The following PAX3 variants were observed in gnomAD, a reference collection of about 807,000 sequenced individuals.
The protein encoded by PAX3 is paired box 3.
PAX3 carries 14 observed loss-of-function variants against 51.6 expected under a neutral mutation model. That is an observed-to-expected ratio of 0.27 (90% CI 0.18 to 0.42). The LOEUF (loss-of-function observed/expected upper bound fraction) is 0.42. PAX3 is among the 10% of genes least tolerant of loss of function. The pLI is 1.00. For missense variants in PAX3, 540 were observed against 642.8 expected (o/e 0.84, Z 1.73); for synonymous variants, 280 against 253.4 (o/e 1.11, Z -1.00).
chr2:222,213,873 G>T (rs1370924), intron 7 of PAX3, among the ~76,000 whole-genome samples: 23 of 151,964 alleles, frequency 1.5e-4, no homozygotes, highest in African/African-American at 5.3e-4. Context: ...ACCCAAAAAC[G>T]TCCCAAAAAA....
chr2:222,289,528 C>T (rs1266712741), intron 4 of PAX3, among the ~76,000 whole-genome samples: 1 of 152,140 alleles, frequency 6.6e-6, no homozygotes, highest in African/African-American at 2.4e-5. Context: ...AATGACCCTT[C>T]AGTAATTATT....
At chr2:222,289,431 A>G (rs1191274877) in intron 4 of PAX3, among the ~76,000 whole-genome samples, 1 of 152,176 alleles carries the variant, frequency 6.6e-6, no homozygotes, top group African/African-American at 2.4e-5. Flanking sequence ...CGATTTCTGC[A>G]TATTCCACTC....
intron 4 of PAX3, chr2:222,232,888 A>C (rs1454334338): frequency 6.5e-6 from 1 of 153,922 alleles, no homozygotes; most frequent in Non-Finnish European, 1.4e-5. Context: ...TTATATTTAA[A>C]TCAGTATCTC....
In PAX3 at chr2:222,212,622, A is replaced by AACACAC. The variant is rs57019405; in HGVS notation, c.1173+7512_1173+7517dup. On this transcript the variant is annotated intron_variant, in intron 7 of 8. Coordinates refer to ENST00000392070, the MANE Select transcript of PAX3 (RefSeq NM_181458.4). Reference sequence around the variant, plus strand: ...CAGAGACAGATTCTTTGGAAAAACAAACACACACACACACACACACACACA... The same window carrying AACACAC: ...CAGAGACAGATTCTTTGGAAAAACAAACACACACACACACACACACACACACACACA... 1.9e-3 allele frequency among the ~76,000 whole-genome samples: 279 copies of AACACAC among 148,026 alleles called. 1 individual carries two copies. Among genetic ancestry groups the AACACAC allele is most frequent in the Non-Finnish European group, 2.7e-3 (178 of 66,758 alleles).
intron 6 of PAX3, among the ~76,000 whole-genome samples, 180 bp from the exon 7 acceptor site, chr2:222,220,534 C>A (rs116204259): frequency 6.6e-6 from 1 of 152,128 alleles, no homozygotes; most frequent in African/African-American, 2.4e-5. Flanking sequence ...TACAGTCACA[C>A]CTATCTCTGC....
chr2:222,289,462 A>G (rs1413129576), intron 4 of PAX3, among the ~76,000 whole-genome samples: 1 of 152,142 alleles, frequency 6.6e-6, no homozygotes, highest in Non-Finnish European at 1.5e-5. Context: ...CCGCGCGCTG[A>G]CTGGTTCCGC....
intron 4 of PAX3, among the ~76,000 whole-genome samples, chr2:222,268,350 GT>G (rs555269412): frequency 2.0e-5 from 3 of 152,094 alleles, no homozygotes; most frequent in Non-Finnish European, 4.4e-5. Context: ...GGCTTCTGTT[GT>G]TTTTTTGCTT....
At chr2:222,286,563 T>G (rs1011197251) in intron 4 of PAX3, among the ~76,000 whole-genome samples, 1 of 152,264 alleles carries the variant, frequency 6.6e-6, no homozygotes, top group Non-Finnish European at 1.5e-5. Context: ...TGTTTTGTTT[T>G]GTTTTGTTTC....
At chr2:222,258,279 T>A (rs1186603476) in intron 4 of PAX3, among the ~76,000 whole-genome samples, 3 of 150,258 alleles carry the variant, frequency 2.0e-5, no homozygotes, top group African/African-American at 7.3e-5. Context: ...GTGGGAATAA[T>A]AATATTTACC....
At chr2:222,204,191 G>T (rs754777176) in intron 7 of PAX3, among the ~76,000 whole-genome samples, 12 of 152,274 alleles carry the variant, frequency 7.9e-5, no homozygotes, top group Non-Finnish European at 1.6e-4. Flanking sequence ...AATAAAGTAA[G>T]CATCAATAGG....
rs1168433150 is a variant in PAX3, at chr2:222,297,252, C to G, written c.86-39G>C. On this transcript the variant is annotated intron_variant, in intron 1 of 8. Coordinates refer to ENST00000392070, the MANE Select transcript of PAX3 (RefSeq NM_181458.4). Reference sequence around the variant, plus strand: ...AAAAAGAGAAGCAAGGGAAAAGTCACTGGAGGAAAATAAAAAGCAAAGAAC... The same window carrying G: ...AAAAAGAGAAGCAAGGGAAAAGTCAGTGGAGGAAAATAAAAAGCAAAGAAC... 5 of 1,450,444 alleles carry G rather than the reference C, an allele frequency of 3.4e-6. No homozygotes were observed. In the South Asian group the frequency reaches 6.1e-5, roughly 18 times the overall value. 89.8% of individuals were successfully genotyped at this position (1,450,444 alleles called of 1,614,324 possible). A position where few individuals can be genotyped will look rare whatever the true frequency, so the allele number is the denominator to read the frequency against.
chr2:222,201,601 T>C, intron 8 of PAX3, 159 bp from the exon 9 acceptor site: 1 of 1,294,114 alleles, frequency 7.7e-7, no homozygotes. Context: ...CAACTTTGTG[T>C]CCCTGGGATT....
At position 222,221,269 on chromosome 2, in the gene PAX3, G is replaced by T. The variant is rs372190620; in HGVS notation, c.911C>A (p.Thr304Lys). Residue 304 changes from threonine to lysine, a missense_variant, in exon 6 of 9, where the codon ACG (threonine) becomes AAG (lysine). Physicochemically the swap from Thr to Lys is moderately conservative, Grantham distance 78 (BLOSUM62 -1). Transcript: ENST00000392070. The stretch of plus-strand genomic sequence containing the variant: ...GTAAGAGGTCTCCGACAGCTGGTAC[G>T]TTGGCAAGGTCGGCATGGCAGTGGG... ...FPPTAMPTLP[T>K]YQLSETSYQP... 1 of 1,613,922 alleles carries T rather than the reference G, an allele frequency of 6.2e-7. No homozygotes were observed. The highest frequency in any genetic ancestry group is 1.3e-5 in the African/African-American group (1 of 74,904).
chr2:222,269,642 C>G (rs1272151033), intron 4 of PAX3, among the ~76,000 whole-genome samples: 2 of 142,456 alleles, frequency 1.4e-5, no homozygotes, highest in South Asian at 2.5e-4. Flanking sequence ...GCACATTTCT[C>G]TCCCACCTTT....
chr2:222,226,049 A>C (rs980325144), intron 5 of PAX3, among the ~76,000 whole-genome samples: 1 of 152,238 alleles, frequency 6.6e-6, no homozygotes, highest in Admixed American at 6.5e-5. Flanking sequence ...TCAATAAATT[A>C]CTGGTTCACA....
chr2:222,227,688 A>G (rs780602540), intron 5 of PAX3, among the ~76,000 whole-genome samples: 11 of 152,074 alleles, frequency 7.2e-5, no homozygotes, highest in Non-Finnish European at 1.3e-4. Flanking sequence ...TATTAATAAC[A>G]GCTACCCTCA....
chr2:222,214,303 C>A (rs763069153), intron 7 of PAX3: 1 of 152,174 alleles, frequency 6.6e-6, no homozygotes, highest in Non-Finnish European at 1.5e-5. Flanking sequence ...TGAAATGGAA[C>A]CACGATAGTC....
chr2:222,293,807 TC>T, intron 4 of PAX3: 1 of 1,613,996 alleles, frequency 6.2e-7, no homozygotes, highest in African/African-American at 1.3e-5. Context: ...GTACCCTCTA[TC>T]CCCGGCCCTA....
intron 2 of PAX3, among the ~76,000 whole-genome samples, chr2:222,296,726 G>C (rs931554905): frequency 1.3e-5 from 2 of 152,196 alleles, no homozygotes; most frequent in Admixed American, 1.3e-4. Context: ...GGATTGCAAG[G>C]CTTATGGGCT....
Sources: gnomAD v4.1 joint callset for allele counts (sites outside exome capture counted in the v4.1 genomes callset) on GRCh38, gnomAD v4.1.1 for gene constraint, MANE v1.5 for transcripts, NCBI Gene and HGNC (gene_info 2026-07-23, HGNC 2026-07-21) for gene names.